ZNG1A: variants seen among roughly 807,000 people sequenced by gnomAD.
ZNG1A encodes the protein Zn regulated GTPase metalloprotein activator 1A, also known as zinc-regulated GTPase metalloprotein activator 1A.
At chr9:121,555 T>A in the ZNG1A span, 1 of 1,608,714 alleles carries the variant, frequency 6.2e-7, no homozygotes, top group Non-Finnish European at 8.5e-7. Flanking sequence ...TTTAAGGATA[T>A]CCTTATCTAA....
At chr9:169,587 GA>G in the ZNG1A span, among the ~76,000 whole-genome samples, 1 of 144,130 alleles carries the variant, frequency 6.9e-6, no homozygotes, top group African/African-American at 2.7e-5. Flanking sequence ...CATCTTTTAT[GA>G]AAGGGAGAGT....
the ZNG1A span, among the ~76,000 whole-genome samples, chr9:131,672 T>C: frequency 6.8e-6 from 1 of 147,074 alleles, no homozygotes; most frequent in Non-Finnish European, 1.5e-5. Flanking sequence ...TTCTTTCTGA[T>C]CCATACTCAG....
At chr9:161,602 C>T in the ZNG1A span, 16 of 1,286,490 alleles carry the variant, frequency 1.2e-5, no homozygotes, top group East Asian at 5.5e-5. Context: ...AGATTGGGAA[C>T]GGGTCAGTGG....
At chr9:133,435 C>T in the ZNG1A span, among the ~76,000 whole-genome samples, 3 of 149,520 alleles carry the variant, frequency 2.0e-5, no homozygotes, top group African/African-American at 7.5e-5. Flanking sequence ...CTCTTACGCA[C>T]GTTTGAAATT....
the ZNG1A span, among the ~76,000 whole-genome samples, chr9:155,988 A>G: frequency 6.6e-6 from 1 of 150,722 alleles, no homozygotes; most frequent in East Asian, 1.9e-4. Flanking sequence ...AAAAATGCAA[A>G]AATTAGCTGG....
At chr9:165,208 A>G in the ZNG1A span, among the ~76,000 whole-genome samples, 2 of 152,126 alleles carry the variant, frequency 1.3e-5, 1 homozygote, top group South Asian at 4.1e-4. Context: ...TGAGGGGGGA[A>G]ATTAAATCTA....
chr9:170,213 T>C, the ZNG1A span, among the ~76,000 whole-genome samples: 1 of 150,854 alleles, frequency 6.6e-6, no homozygotes, highest in South Asian at 2.1e-4. Flanking sequence ...TCCGATTCAG[T>C]AGATCTGGGT....
At chr9:125,856 T>TA in the ZNG1A span, among the ~76,000 whole-genome samples, 11 of 50,496 alleles carry the variant, frequency 2.2e-4, 5 homozygotes, top group Non-Finnish European at 4.2e-4. Flanking sequence ...CAGTTGGCTG[T>TA]AAGTATTTAT....
the ZNG1A span, among the ~76,000 whole-genome samples, chr9:164,795 G>A: frequency 1.5e-3 from 222 of 151,870 alleles, no homozygotes; most frequent in Middle Eastern, 3.4e-3. Flanking sequence ...AAGAATGAGT[G>A]TAGGAGAAAA....
At chr9:163,618 T>C in the ZNG1A span, among the ~76,000 whole-genome samples, 1 of 151,302 alleles carries the variant, frequency 6.6e-6, no homozygotes, top group Non-Finnish European at 1.5e-5. Flanking sequence ...ATAAAGATTT[T>C]ACTAAAAAAC....
chr9:157,480 C>A, the ZNG1A span, among the ~76,000 whole-genome samples: 1 of 130,532 alleles, frequency 7.7e-6, no homozygotes, highest in Admixed American at 8.1e-5. Context: ...TTGAAGCCAA[C>A]TTTACAAATG....
At chr9:174,452 C>T in the ZNG1A span, among the ~76,000 whole-genome samples, 1 of 151,384 alleles carries the variant, frequency 6.6e-6, no homozygotes, top group East Asian at 1.9e-4. Context: ...ATTAATGAAA[C>T]ATGAAGAAAA....
At chr9:152,626 C>T in the ZNG1A span, among the ~76,000 whole-genome samples, 2 of 151,844 alleles carry the variant, frequency 1.3e-5, no homozygotes, top group African/African-American at 2.4e-5. Flanking sequence ...GGCTCTCTAC[C>T]CGTTATGCCT....
At chr9:173,013 T>C in the ZNG1A span, 84 of 310,330 alleles carry the variant, frequency 2.7e-4, 1 homozygote, top group South Asian at 2.8e-3. Context: ...GAGACTTTCA[T>C]GCACTAGAGA....
chr9:126,941 C>G, the ZNG1A span, among the ~76,000 whole-genome samples: 2 of 152,108 alleles, frequency 1.3e-5, no homozygotes, highest in East Asian at 3.8e-4. Context: ...TCATCTTTGA[C>G]CCACTGATCA....
the ZNG1A span, among the ~76,000 whole-genome samples, chr9:128,536 G>A: frequency 2.1e-5 from 3 of 144,386 alleles, no homozygotes; most frequent in African/African-American, 5.2e-5. Context: ...AGTTTTGATT[G>A]TTTTTTATTT....
chr9:135,774 T>G, the ZNG1A span, among the ~76,000 whole-genome samples: 1 of 116,334 alleles, frequency 8.6e-6, no homozygotes, highest in African/African-American at 4.5e-5. Context: ...GAGAAAGAAC[T>G]TGTAGGAACT....
the ZNG1A span, among the ~76,000 whole-genome samples, chr9:129,624 C>G: frequency 6.7e-6 from 1 of 148,412 alleles, no homozygotes; most frequent in Non-Finnish European, 1.5e-5. Flanking sequence ...TGAAACTCAT[C>G]AAATCAGAAA....
At chr9:127,271 G>C in the ZNG1A span, among the ~76,000 whole-genome samples, 1 of 152,072 alleles carries the variant, frequency 6.6e-6, no homozygotes, top group Non-Finnish European at 1.5e-5. Context: ...AGTGCTGTCC[G>C]TGGAGTATTA....
Sources: allele counts gnomAD v4.1 joint callset (sites outside exome capture counted in the v4.1 genomes callset), GRCh38; gene constraint gnomAD v4.1.1; transcripts MANE v1.5; gene names NCBI Gene and HGNC (gene_info 2026-07-23, HGNC 2026-07-21).